Variants in LRBA observed in about 807,000 individuals in gnomAD.
LRBA encodes the protein LPS responsive beige-like anchor protein.
LRBA carries 176 observed loss-of-function variants against 330.0 expected under a neutral mutation model. The observed-to-expected ratio is 0.53, with a 90% CI of 0.47 to 0.60. The LOEUF is 0.60. LRBA is among the 20% of genes least tolerant of loss of function. The probability of loss-of-function intolerance (pLI) is 0.00; values close to 1 mark genes in which losing one functional copy is unlikely to be tolerated. For synonymous variants in LRBA, 1,230 were observed against 1,193.0 expected (o/e 1.03, Z -0.64); for missense variants, 3,259 against 3,444.8 (o/e 0.95, Z 1.35).
rs577212773 is a variant in LRBA, at chr4:150,693,301, C to G, written c.5755-9584G>C. Among the ~76,000 whole-genome samples, 10 of 152,140 alleles carry G rather than the reference C, an allele frequency of 6.6e-5. No individual in the cohort carries two copies. The South Asian group carries it at 2.1e-3, about 32-fold the overall frequency. On this transcript the variant is annotated intron_variant, in intron 36 of 56. Coordinates refer to ENST00000651943, the MANE Select transcript of LRBA (RefSeq NM_001364905.1). ...GGCAAGGGCCGGGCGCGGTGGCTCA[C>G]GCCTGTAATCCCAGCACTTTGGGAG...
At chr4:150,635,828 G>C (rs1777840788) in intron 37 of LRBA, among the ~76,000 whole-genome samples, 1 of 152,162 alleles carries the variant, frequency 6.6e-6, no homozygotes. Context: ...ACACAGCTGA[G>C]AATCATGTCT....
At chr4:150,680,913 G>T (rs1782998224) in intron 37 of LRBA, among the ~76,000 whole-genome samples, 1 of 152,102 alleles carries the variant, frequency 6.6e-6, no homozygotes, top group South Asian at 2.1e-4. Flanking sequence ...CAAAATAAAT[G>T]ACATTAATGG....
chr4:150,810,259 T>C (rs553364665), intron 31 of LRBA, among the ~76,000 whole-genome samples: 1 of 152,336 alleles, frequency 6.6e-6, no homozygotes, highest in African/African-American at 2.4e-5. Flanking sequence ...GCTTGGTTCC[T>C]TTTGGAAAGC....
chr4:150,610,155 A>C (rs972989129), intron 37 of LRBA, among the ~76,000 whole-genome samples: 1 of 152,202 alleles, frequency 6.6e-6, no homozygotes, highest in African/African-American at 2.4e-5. Flanking sequence ...CTGACAAAGG[A>C]AAAGTTTAAG....
At chr4:150,800,979 A>T (rs1578822131) in intron 33 of LRBA, among the ~76,000 whole-genome samples, 1 of 152,200 alleles carries the variant, frequency 6.6e-6, no homozygotes, top group African/African-American at 2.4e-5. Flanking sequence ...TAAATGACTC[A>T]CCAGACAGTA....
At chr4:150,598,946 T>C (rs544332435) in intron 38 of LRBA, 61 bp downstream of exon 38, 163 of 1,574,800 alleles carry the variant, frequency 1.0e-4, no homozygotes, top group East Asian at 2.3e-4. Context: ...AATGAAGTTA[T>C]GCTCTTCATT....
rs61403112 is a variant in LRBA, at chr4:150,443,872, ATTTTTTTTT to A, written c.6781-7017_6781-7009del. 1.7e-3 allele frequency among the ~76,000 whole-genome samples: 151 copies of A among 88,436 alleles called. 1 individual carries two copies. Among genetic ancestry groups the A allele is most frequent in the African/African-American group, 5.1e-3 (122 of 24,120 alleles). The allele number at this position is 88,436 out of a possible 152,430, so 58.0% of individuals were successfully genotyped here. A position where few individuals can be genotyped will look rare whatever the true frequency, so the allele number is the denominator to read the frequency against. On this transcript the variant is annotated intron_variant, in intron 44 of 56. Coordinates refer to ENST00000651943, the MANE Select transcript of LRBA (RefSeq NM_001364905.1). Reference sequence around the variant, plus strand: ...TAAAAAAATATATATATATATATATATTTTTTTTTTTTTTTTTTTTTAAAGCCACCTCCA... The same window carrying A: ...TAAAAAAATATATATATATATATATATTTTTTTTTTTTAAAGCCACCTCCA...
rs79680228 is a variant in LRBA, at chr4:150,857,292, A to G, written c.2767-4349T>C. Among the ~76,000 whole-genome samples the G allele has an allele frequency of 6.0e-3, 915 of 152,262 alleles. 4 individuals are homozygous for G. The highest frequency in any genetic ancestry group is 0.01 in the Non-Finnish European group (689 of 67,960). On this transcript the variant is annotated intron_variant, in intron 22 of 56. Coordinates refer to ENST00000651943, the MANE Select transcript of LRBA (RefSeq NM_001364905.1). Reference sequence around the variant, plus strand: ...AGACTCTGATGTATAACAATGGTATAGGTAACAGATATAATGGTAAAATCA... The same window carrying G: ...AGACTCTGATGTATAACAATGGTATGGGTAACAGATATAATGGTAAAATCA...
chr4:150,435,719 G>A lies in LRBA; in HGVS notation c.6922-11C>T. On this transcript the variant is annotated splice_polypyrimidine_tract_variant and intron_variant, in intron 45 of 56. Transcript: ENST00000651943. ...AGTTGTAAAGGGTTCCTAAAAAATA[G>A]CAATTAAAAAAATCCATATGTTCCC... 2 of 1,587,200 alleles carry A rather than the reference G, an allele frequency of 1.3e-6. No individual in the cohort carries two copies. The highest frequency in any genetic ancestry group is 1.9e-5 in the Admixed American group (1 of 53,242).
At chr4:150,628,672 T>A (rs972619937) in intron 37 of LRBA, among the ~76,000 whole-genome samples, 2 of 152,188 alleles carry the variant, frequency 1.3e-5, no homozygotes, top group Non-Finnish European at 2.9e-5. Flanking sequence ...TGTTAAAGTT[T>A]TGAAAGAAAG....
chr4:150,720,468 A>G (rs1484552295), intron 36 of LRBA, among the ~76,000 whole-genome samples: 1 of 152,130 alleles, frequency 6.6e-6, no homozygotes, highest in Non-Finnish European at 1.5e-5. Context: ...CATAAGCTTT[A>G]TAGACATAAT....
At position 150,265,097 on chromosome 4, in the gene LRBA, C is replaced by G. The variant is rs1051692556; in HGVS notation, c.*625G>C. The G allele has an allele frequency of 6.5e-6, 1 of 152,724 alleles. No homozygotes were observed. Among genetic ancestry groups the G allele is most frequent in the Non-Finnish European group, 1.5e-5 (1 of 68,106 alleles). 9.5% of individuals were successfully genotyped at this position (152,724 alleles called of 1,614,324 possible). A position where few individuals can be genotyped will look rare whatever the true frequency, so the allele number is the denominator to read the frequency against. On this transcript the variant is annotated 3_prime_UTR_variant, in exon 57 of 57. Coordinates refer to ENST00000651943, the MANE Select transcript of LRBA (RefSeq NM_001364905.1). ...AAAAATGGTAACTATTTCACACTTG[C>G]TATAAATTAGATTCCTTGTGCTAAC...
intron 37 of LRBA, among the ~76,000 whole-genome samples, chr4:150,680,870 C>G (rs560442871): frequency 6.6e-6 from 1 of 152,168 alleles, no homozygotes; most frequent in East Asian, 1.9e-4. Context: ...GCCCACTGAT[C>G]GTGTGGCATT....
At chr4:150,927,116 T>A (rs1733967885) in intron 4 of LRBA, among the ~76,000 whole-genome samples, 1 of 150,408 alleles carries the variant, frequency 6.6e-6, no homozygotes, top group African/African-American at 2.4e-5. Flanking sequence ...GGCTCACACC[T>A]GTAATCTCAG....
chr4:150,356,524 A>T (rs981779990), intron 47 of LRBA, among the ~76,000 whole-genome samples: 1 of 152,096 alleles, frequency 6.6e-6, no homozygotes, highest in Non-Finnish European at 1.5e-5. Flanking sequence ...AAAATAAAAG[A>T]AAATTTGATG....
intron 37 of LRBA, among the ~76,000 whole-genome samples, chr4:150,670,529 T>G (rs1362696724): frequency 6.6e-6 from 1 of 152,256 alleles, no homozygotes; most frequent in Non-Finnish European, 1.5e-5. Context: ...ATCAGCCATT[T>G]ATCCAAAAAG....
chr4:150,740,469 G>A (rs62346307), intron 35 of LRBA, among the ~76,000 whole-genome samples: 13,426 of 151,630 alleles, frequency 0.089, 1,024 homozygotes, highest in African/African-American at 0.22. Context: ...AATTTAGGAG[G>A]GTCACTGGAT....
intron 2 of LRBA, among the ~76,000 whole-genome samples, chr4:151,003,354 GC>G (rs1743618044): frequency 7.4e-6 from 1 of 135,236 alleles, no homozygotes; most frequent in African/African-American, 2.8e-5. Context: ...CCAAAATCAA[GC>G]CACTTCACTC....
intron 48 of LRBA, among the ~76,000 whole-genome samples, chr4:150,333,228 T>C (rs149713834): frequency 0.011 from 1,640 of 152,156 alleles, 27 homozygotes; most frequent in African/African-American, 0.038. Context: ...ACAATAAATA[T>C]TGTAAAATTT....
Sources: gnomAD v4.1 joint callset for allele counts (sites outside exome capture counted in the v4.1 genomes callset) on GRCh38, gnomAD v4.1.1 for gene constraint, MANE v1.5 for transcripts, NCBI Gene and HGNC (gene_info 2026-07-23, HGNC 2026-07-21) for gene names.